The following NPR2 variants were observed in gnomAD, a reference collection of about 807,000 sequenced individuals.
NPR2 encodes natriuretic peptide receptor 2, also known as atrial natriuretic peptide receptor 2.
A neutral mutation model predicts 120.7 loss-of-function variants in NPR2; 49 were observed. The ratio of observed to expected loss-of-function variants is 0.41; its 90% CI spans 0.32 to 0.52. NPR2 has a LOEUF of 0.52. Ranked by LOEUF, NPR2 falls within the 20% of genes least tolerant of loss-of-function variation. The pLI, the probability that NPR2 is intolerant of heterozygous loss-of-function variation, is 0.36. For synonymous variants in NPR2, 484 were observed against 519.8 expected (o/e 0.93, Z 0.94); for missense variants, 931 against 1,362.9 (o/e 0.68, Z 4.99).
chr9:35,800,800 C>A lies in NPR2; in HGVS notation c.1310C>A (p.Pro437His). The change falls in exon 6 of 22, where the codon CCC (proline) becomes CAC (histidine). Residue 437 changes from proline (P) to histidine (H), a missense_variant. By Grantham distance (77) the Pro-to-His change is moderately conservative (BLOSUM62 -2). Coordinates refer to ENST00000342694, the MANE Select transcript of NPR2 (RefSeq NM_003995.4). This position sits in a 1 kb window ranked among gnomAD's most constrained non-coding sequence, Gnocchi z 4.7. Reference sequence around the variant, plus strand: ...AAGGGGGCTCCTCCCTCGGACAATCCCCCCTGTGCCTTTGACTTGGACGAC... The same window carrying A: ...AAGGGGGCTCCTCCCTCGGACAATCACCCCTGTGCCTTTGACTTGGACGAC... ...WVKGAPPSDN[P>H]PCAFDLDDPS... The A allele has an allele frequency of 6.2e-7, 1 of 1,614,118 alleles. No individual in the cohort carries two copies. The highest frequency in any genetic ancestry group is 8.5e-7 in the Non-Finnish European group (1 of 1,180,014).
At position 35,792,444 on chromosome 9, in the gene NPR2, C is replaced by T. The variant is rs751273128; in HGVS notation, c.36C>T (p.Ala12=). The change falls in exon 1 of 22, where the codon GCC becomes GCT. Residue 12 remains alanine (A), a synonymous_variant. Coordinates refer to ENST00000342694, the MANE Select transcript of NPR2 (RefSeq NM_003995.4). The part of the protein sequence containing the change: ...ALPSLLLLVA[A]LAGGVRPPGA... ...CATCACTTCTGCTGTTGGTGGCAGCCCTGGCAGGTGGGGTGCGTCCTCCCG... is the reference window on the plus strand; with the variant it reads ...CATCACTTCTGCTGTTGGTGGCAGCTCTGGCAGGTGGGGTGCGTCCTCCCG... 25 of 1,611,276 alleles carry T rather than the reference C, an allele frequency of 1.6e-5. No homozygotes were observed. Among genetic ancestry groups the T allele is most frequent in the Middle Eastern group, 1.7e-4 (1 of 6,030 alleles).
chr9:35,807,275 A>C (rs1331886756), intron 17 of NPR2, 55 bp from the exon 18 acceptor site: 8 of 1,535,150 alleles, frequency 5.2e-6, no homozygotes, highest in South Asian at 3.4e-5. Context: ...TGGGTTAAGA[A>C]TTCTTAGAAA....
In NPR2 at chr9:35,792,590, C is replaced by T; in HGVS notation, c.182C>T (p.Pro61Leu). ...GTGGAGGCTCTGGGCCGGGCACTGCCCGTGGACCTGCGGTTTGTCAGCTCC... is the reference window on the plus strand; with the variant it reads ...GTGGAGGCTCTGGGCCGGGCACTGCTCGTGGACCTGCGGTTTGTCAGCTCC... ...LAVEALGRALPVDLRFVSSEL... is the reference protein window; with the variant it reads ...LAVEALGRALLVDLRFVSSEL... The change falls in exon 1 of 22, where the codon CCC becomes CTC. Residue 61 changes from proline (P) to leucine (L), a missense_variant. Around this residue, in one of 3 missense-constraint regions of NPR2, gnomAD observed 681 missense variants for 974.3 expected, o/e 0.70. Transcript: ENST00000342694. 1.2e-6 allele frequency: 2 copies of T among 1,613,424 alleles called. No individual in the cohort carries two copies. Among genetic ancestry groups the T allele is most frequent in the South Asian group, 1.1e-5 (1 of 91,082 alleles).
chr9:35,804,664 TTC>T (rs1214361576), intron 12 of NPR2, among the ~76,000 whole-genome samples: 1 of 152,228 alleles, frequency 6.6e-6, no homozygotes, highest in African/African-American at 2.4e-5. Context: ...GTTCTGCACT[TTC>T]TCTCTGATCC....
At position 35,809,177 on chromosome 9, in the gene NPR2, C is replaced by G. The variant is rs866959603; in HGVS notation, c.3008C>G (p.Ser1003Cys). ...CCAGCGCTGAAGATCCATGTCTCCT[C>G]TACCACCAAGGATGCCCTAGATGAG... ...NGQALKIHVSSTTKDALDELG... is the reference protein window; with the variant it reads ...NGQALKIHVSCTTKDALDELG... The change falls in exon 21 of 22, where the codon TCT becomes TGT. Residue 1003 changes from serine (S) to cysteine (C), a missense_variant. By Grantham distance (112) the Ser-to-Cys change is moderately radical. Coordinates refer to ENST00000342694, the MANE Select transcript of NPR2 (RefSeq NM_003995.4). This position sits in a 1 kb window ranked among gnomAD's most constrained non-coding sequence, Gnocchi z 4.1. 6.2e-7 allele frequency: 1 copy of G among 1,614,054 alleles called. No homozygotes were observed. Among genetic ancestry groups the G allele is most frequent in the Middle Eastern group, 1.7e-4 (1 of 6,060 alleles).
Position 35,802,761 on chromosome 9 carries a change from G to C in NPR2, c.1845G>C (p.Leu615Phe), listed in dbSNP as rs1388954473. 1.1e-5 allele frequency: 18 copies of C among 1,613,096 alleles called. No individual in the cohort carries two copies. Among genetic ancestry groups the C allele is most frequent in the Non-Finnish European group, 1.5e-5 (18 of 1,179,174 alleles). Residue 615 changes from leucine to phenylalanine, a missense_variant, in exon 12 of 22, where the codon TTG (leucine) becomes TTC (phenylalanine). Transcript: ENST00000342694. This position sits in a 1 kb window ranked among gnomAD's most constrained non-coding sequence, Gnocchi z 4.2. Reference protein sequence around the residue: ...QDILENDSINLDWMFRYSLIN... With the variant: ...QDILENDSINFDWMFRYSLIN... Reference sequence around the variant, plus strand: ...TTCTAGAAAATGACAGCATCAACTTGGACTGGATGTTTCGTTATTCACTCA... The same window carrying C: ...TTCTAGAAAATGACAGCATCAACTTCGACTGGATGTTTCGTTATTCACTCA...
intron 2 of NPR2, 41 bp from the exon 3 acceptor site, chr9:35,799,577 C>G (rs1391478572): frequency 7.1e-7 from 1 of 1,413,058 alleles, no homozygotes. Flanking sequence ...TAATGCCTAT[C>G]TTGAATCCTG....
At chr9:35,801,241 G>C in intron 7 of NPR2, 87 bp downstream of exon 7, 1 of 954,422 alleles carries the variant, frequency 1.0e-6, no homozygotes, top group South Asian at 1.3e-5. Context: ...TATAATGTGG[G>C]ATAGGGTAGT....
In NPR2 at chr9:35,800,327, T is replaced by C; in HGVS notation, c.1124-62T>C. The C allele has an allele frequency of 6.7e-7, 1 of 1,497,500 alleles. No homozygotes were observed. 92.8% of individuals were successfully genotyped at this position (1,497,500 alleles called of 1,614,324 possible). A position where few individuals can be genotyped will look rare whatever the true frequency, so the allele number is the denominator to read the frequency against. ...GTAGACTCTGAGGGAGCCGTAGGCA[T>C]GAGTGAGTGGGAGAGGAGCCCAGGG... is the stretch of plus-strand genomic sequence containing the variant. On this transcript the variant is annotated intron_variant, in intron 4 of 21. Coordinates refer to ENST00000342694, the MANE Select transcript of NPR2 (RefSeq NM_003995.4). This position sits in a 1 kb window ranked among gnomAD's most constrained non-coding sequence, Gnocchi z 4.7.
At position 35,802,540 on chromosome 9, in the gene NPR2, T is replaced by A; in HGVS notation, c.1748T>A (p.Ile583Asn). ...CAGTTCAACCATCTCACTCGCTTCA[T>A]TGGCGCCTGCATAGACCCTCCCAAC... is the stretch of plus-strand genomic sequence containing the variant. ...DVQFNHLTRF[I>N]GACIDPPNIC... Residue 583 changes from isoleucine to asparagine, a missense_variant, in exon 11 of 22, where the codon ATT (isoleucine) becomes AAT (asparagine). Coordinates refer to ENST00000342694, the MANE Select transcript of NPR2 (RefSeq NM_003995.4). The surrounding 1 kb of genome is among the most constrained non-coding windows in gnomAD (Gnocchi z 4.2). 1.2e-6 allele frequency: 2 copies of A among 1,610,182 alleles called. No individual in the cohort carries two copies. The highest frequency in any genetic ancestry group is 1.7e-6 in the Non-Finnish European group (2 of 1,176,340).
Position 35,808,446 on chromosome 9 carries a change from TCTA to T in NPR2, c.2713-60_2713-58del, listed in dbSNP as rs1828542093. On this transcript the variant is annotated intron_variant, in intron 18 of 21. Transcript: ENST00000342694. The surrounding 1 kb of genome is among the most constrained non-coding windows in gnomAD (Gnocchi z 4.0). ...AATGATGGTGTCAAGCTTGTCTCCC[TCTA>T]CTTTTTCCCATCCCCATGGATATAA... The T allele has an allele frequency of 1.0e-5, 16 of 1,558,332 alleles. No homozygotes were observed. The South Asian group carries it at 1.3e-4, about 13-fold the overall frequency.
chr9:35,803,676 T>C (rs114263518), intron 12 of NPR2, among the ~76,000 whole-genome samples: 125 of 152,362 alleles, frequency 8.2e-4, no homozygotes, highest in Middle Eastern at 3.4e-3. Context: ...GAGCATAAAA[T>C]AGAATCTTGC....
chr9:35,793,820 C>T, intron 1 of NPR2, 78 bp from the exon 2 acceptor site: 2 of 1,396,426 alleles, frequency 1.4e-6, no homozygotes, highest in Admixed American at 1.7e-5. Flanking sequence ...AGGGACATCC[C>T]AGTGATTCAG....
At position 35,809,146 on chromosome 9, in the gene NPR2, C is replaced by A. The variant is rs756247152; in HGVS notation, c.2987-10C>A. The A allele has an allele frequency of 3.1e-6, 5 of 1,610,982 alleles. No homozygotes were observed. Among genetic ancestry groups the A allele is most frequent in the Non-Finnish European group, 3.4e-6 (4 of 1,177,396 alleles). On this transcript the variant is annotated splice_polypyrimidine_tract_variant and intron_variant, in intron 20 of 21. Coordinates refer to ENST00000342694, the MANE Select transcript of NPR2 (RefSeq NM_003995.4). The surrounding 1 kb of genome is among the most constrained non-coding windows in gnomAD (Gnocchi z 4.1). ...TCATTCCACCATCCTCCCCATTCCA[C>A]CCACCCCAGCGCTGAAGATCCATGT...
Position 35,800,883 on chromosome 9 carries a change from C to T in NPR2, c.1351+42C>T, listed in dbSNP as rs1418873992. On this transcript the variant is annotated intron_variant, in intron 6 of 21. Coordinates refer to ENST00000342694, the MANE Select transcript of NPR2 (RefSeq NM_003995.4). This position sits in a 1 kb window ranked among gnomAD's most constrained non-coding sequence, Gnocchi z 4.7. The stretch of plus-strand genomic sequence containing the variant: ...ACTGGGAGCAGCTTTCCTCCCTTTG[C>T]TTTCCATTCATGGCCTCCACCCTCA... 4 of 1,613,884 alleles carry T rather than the reference C, an allele frequency of 2.5e-6. No individual in the cohort carries two copies. Among genetic ancestry groups the T allele is most frequent in the African/African-American group, 1.3e-5 (1 of 75,006 alleles).
chr9:35,799,333 T>C (rs1828050474), intron 2 of NPR2, among the ~76,000 whole-genome samples: 1 of 151,846 alleles, frequency 6.6e-6, no homozygotes, highest in African/African-American at 2.4e-5. Flanking sequence ...TTGACTATTA[T>C]TTGCCAGTTT....
chr9:35,800,651 T>A lies in NPR2; in HGVS notation c.1219-58T>A, dbSNP rs920196594. On this transcript the variant is annotated intron_variant, in intron 5 of 21. Coordinates refer to ENST00000342694, the MANE Select transcript of NPR2 (RefSeq NM_003995.4). The surrounding 1 kb of genome is among the most constrained non-coding windows in gnomAD (Gnocchi z 4.7). ...GAGAAAAGCAGCGAAACAGCTGGGG[T>A]CTGGGGAGGAGGCTGGTGGGAGCAG... 6.2e-7 allele frequency: 1 copy of A among 1,613,238 alleles called. No individual in the cohort carries two copies. Among genetic ancestry groups the A allele is most frequent in the Non-Finnish European group, 8.5e-7 (1 of 1,179,766 alleles).
rs530690871 is a variant in NPR2 at position 35,794,226 on chromosome 9, G to A, written c.873+123G>A. 9.0e-5 allele frequency: 77 copies of A among 854,602 alleles called. No individual in the cohort carries two copies. In the South Asian group the frequency reaches 1.3e-3, roughly 14 times the overall value. The allele number at this position is 854,602 out of a possible 1,614,324, so 52.9% of individuals were successfully genotyped here. On this transcript the variant is annotated intron_variant, in intron 2 of 21. Coordinates refer to ENST00000342694, the MANE Select transcript of NPR2 (RefSeq NM_003995.4). ...GAATTGTGAGCCACAGGAGTAAAATGAACAGAGGCATTCTGAGTCTAGTGT... is the reference window on the plus strand; with the variant it reads ...GAATTGTGAGCCACAGGAGTAAAATAAACAGAGGCATTCTGAGTCTAGTGT...
chr9:35,808,731 C>T lies in NPR2; in HGVS notation c.2888-24C>T. Reference sequence around the variant, plus strand: ...CCCTAGTCTCCACCTTTCCCAGACTCTCCCAACCTGTTTCTTCTCAAAGGG... The same window carrying T: ...CCCTAGTCTCCACCTTTCCCAGACTTTCCCAACCTGTTTCTTCTCAAAGGG... On this transcript the variant is annotated intron_variant, in intron 19 of 21. Transcript: ENST00000342694. This position sits in a 1 kb window ranked among gnomAD's most constrained non-coding sequence, Gnocchi z 4.0. 2 of 1,611,702 alleles carry T rather than the reference C, an allele frequency of 1.2e-6. No individual in the cohort carries two copies. The highest frequency in any genetic ancestry group is 1.7e-6 in the Non-Finnish European group (2 of 1,177,730).
Sources: allele counts gnomAD v4.1 joint callset (sites outside exome capture counted in the v4.1 genomes callset), GRCh38; gene constraint gnomAD v4.1.1; regional missense constraint gnomAD v4.1.1; non-coding constraint Gnocchi (gnomAD v3.1); transcripts MANE v1.5; gene names NCBI Gene and HGNC (gene_info 2026-07-23, HGNC 2026-07-21).